CCDC149: variants seen among roughly 807,000 people sequenced by gnomAD.
The protein encoded by CCDC149 is coiled-coil domain-containing protein 149.
A neutral mutation model predicts 59.9 loss-of-function variants in CCDC149; 45 were observed. That is an observed-to-expected ratio of 0.75 (90% CI 0.59 to 0.96). The LOEUF (loss-of-function observed/expected upper bound fraction) is 0.96. Ranked by LOEUF, CCDC149 falls within the 40% of genes least tolerant of loss-of-function variation. CCDC149 has a pLI of 0.00. For synonymous variants in CCDC149, 245 were observed against 260.6 expected (o/e 0.94, Z 0.58); for missense variants, 584 against 664.7 (o/e 0.88, Z 1.33).
At position 24,836,514 on chromosome 4, in the gene CCDC149, A is replaced by G. The variant is rs748153576; in HGVS notation, c.663-6T>C. Reference sequence around the variant, plus strand: ...TTAATCTCTCTTGAAGGTACCTGAAAAAGAATACATAAAACTAGGAGGTGT... The same window carrying G: ...TTAATCTCTCTTGAAGGTACCTGAAGAAGAATACATAAAACTAGGAGGTGT... On this transcript the variant is annotated splice_polypyrimidine_tract_variant and splice_region_variant and intron_variant, in intron 6 of 12. Transcript: ENST00000635206. 3.1e-6 allele frequency: 5 copies of G among 1,595,736 alleles called. No homozygotes were observed. Among genetic ancestry groups the G allele is most frequent in the Non-Finnish European group, 4.3e-6 (5 of 1,164,204 alleles).
intron 1 of CCDC149, among the ~76,000 whole-genome samples, chr4:24,944,298 G>T (rs936982810): frequency 4.0e-5 from 6 of 151,036 alleles, no homozygotes; most frequent in African/African-American, 9.8e-5. Context: ...CTATCGCAAG[G>T]ACTAAAAACC....
chr4:24,965,976 T>G (rs1036246901), intron 1 of CCDC149, among the ~76,000 whole-genome samples: 2 of 152,228 alleles, frequency 1.3e-5, no homozygotes, highest in Non-Finnish European at 2.9e-5. Context: ...CTGCTAATAC[T>G]GTACATATGG....
chr4:24,932,256 C>T (rs376823711), intron 1 of CCDC149, among the ~76,000 whole-genome samples: 1 of 152,090 alleles, frequency 6.6e-6, no homozygotes, highest in South Asian at 2.1e-4. Flanking sequence ...CAATTAGTAC[C>T]TTTTCTAATG....
rs1372540669 is a variant in CCDC149, at chr4:24,930,326, G to T, written c.-64-35208C>A. On this transcript the variant is annotated intron_variant, in intron 1 of 12. Transcript: ENST00000389609. Reference sequence around the variant, plus strand: ...GCATCCCTGAGTCATCACATGGAGGGAAGCCACCTACCATTCAGAAGCACC... The same window carrying T: ...GCATCCCTGAGTCATCACATGGAGGTAAGCCACCTACCATTCAGAAGCACC... 2.0e-5 allele frequency among the ~76,000 whole-genome samples: 3 copies of T among 152,218 alleles called. No homozygotes were observed. In the East Asian group the frequency reaches 5.8e-4, roughly 29 times the overall value.
At chr4:24,848,906 A>G (rs1717485749) in intron 4 of CCDC149, among the ~76,000 whole-genome samples, 2 of 152,214 alleles carry the variant, frequency 1.3e-5, no homozygotes, top group African/African-American at 2.4e-5. Context: ...AGACATGAAG[A>G]GAAATGGGCT....
intron 1 of CCDC149, among the ~76,000 whole-genome samples, chr4:24,941,884 T>G (rs1577497026): frequency 1.3e-5 from 2 of 152,130 alleles, no homozygotes; most frequent in Non-Finnish European, 2.9e-5. Context: ...TAACAGGCTC[T>G]GAAATTGAGG....
chr4:24,876,642 G>A lies in CCDC149; in HGVS notation c.119C>T (p.Ser40Phe). 1 of 1,614,090 alleles carries A rather than the reference G, an allele frequency of 6.2e-7. No homozygotes were observed. Among genetic ancestry groups the A allele is most frequent in the Non-Finnish European group, 8.5e-7 (1 of 1,180,020 alleles). ...CTGTTGACAGGTGTCCAGCTCCTTG[G>A]AGAGGATCAGCAGGGCTTCCTTCTT... The change falls in exon 2 of 13, where the codon TCC (serine) becomes TTC (phenylalanine). Residue 40 changes from serine to phenylalanine, a missense_variant. Physicochemically the swap from Ser to Phe is radical, Grantham distance 155. Transcript: ENST00000635206.
intron 1 of CCDC149, among the ~76,000 whole-genome samples, chr4:24,941,546 C>A (rs12642801): frequency 0.1 from 15,223 of 152,072 alleles, 1,394 homozygotes; most frequent in East Asian, 0.29. Context: ...TAACTAAGAT[C>A]AGAGCAGAAC....
chr4:24,822,726 G>C, intron 9 of CCDC149, 153 bp from the exon 10 acceptor site: 2 of 492,988 alleles, frequency 4.1e-6, no homozygotes, highest in Non-Finnish European at 7.3e-6. Context: ...TAAATAATAT[G>C]TGCTCTATTG....
At position 24,884,568 on chromosome 4, in the gene CCDC149, C is replaced by T. The variant is rs148434393; in HGVS notation, c.64-7871G>A. Among the ~76,000 whole-genome samples the T allele has an allele frequency of 3.8e-3, 584 of 152,204 alleles. 7 individuals are homozygous for T. The highest frequency in any genetic ancestry group is 0.013 in the African/African-American group (546 of 41,540). On this transcript the variant is annotated intron_variant, in intron 1 of 12. Coordinates refer to ENST00000635206, the MANE Select transcript of CCDC149 (RefSeq NM_001330643.2). ...TACACTAAACACTTTAAAAGAGACA[C>T]AAAACTCCCAGAAAAGAAAGAAAAG...
intron 1 of CCDC149, among the ~76,000 whole-genome samples, chr4:24,885,187 G>C (rs1364558828): frequency 6.6e-6 from 1 of 152,194 alleles, no homozygotes; most frequent in African/African-American, 2.4e-5. Context: ...GAGGAGTTCA[G>C]ATTGTATTCT....
intron 3 of CCDC149, among the ~76,000 whole-genome samples, chr4:24,869,932 T>G (rs1718935075): frequency 6.6e-6 from 1 of 152,184 alleles, no homozygotes; most frequent in Non-Finnish European, 1.5e-5. Context: ...GTGCGTGCTA[T>G]TAGACCAGGA....
chr4:24,861,126 G>T (rs1482823950), intron 3 of CCDC149, among the ~76,000 whole-genome samples: 1 of 152,072 alleles, frequency 6.6e-6, no homozygotes, highest in Non-Finnish European at 1.5e-5. Flanking sequence ...CTACTCAAAG[G>T]AAAAGAAGTC....
At chr4:24,921,217 A>G (rs1289218105) in intron 1 of CCDC149, among the ~76,000 whole-genome samples, 3 of 152,214 alleles carry the variant, frequency 2.0e-5, no homozygotes, top group African/African-American at 7.2e-5. Flanking sequence ...TAAGCAGGTG[A>G]CATGTCCCTG....
At chr4:24,849,273 G>T (rs1717507653) in intron 4 of CCDC149, among the ~76,000 whole-genome samples, 1 of 152,124 alleles carries the variant, frequency 6.6e-6, no homozygotes, top group Admixed American at 6.5e-5. Context: ...CTTTTCGAGG[G>T]TAATGCGTGG....
intron 1 of CCDC149, among the ~76,000 whole-genome samples, chr4:24,883,661 T>C (rs981309186): frequency 2.0e-5 from 3 of 152,180 alleles, no homozygotes; most frequent in South Asian, 2.1e-4. Flanking sequence ...ATTGAGGTTA[T>C]TGTGAGCCTG....
At chr4:24,872,335 G>C (rs1321512429) in intron 3 of CCDC149, among the ~76,000 whole-genome samples, 5 of 152,178 alleles carry the variant, frequency 3.3e-5, no homozygotes, top group Admixed American at 2.6e-4. Flanking sequence ...TGAAGTGGCA[G>C]AACCTAAACA....
At chr4:24,808,908 A>G (rs1170152767) in intron 12 of CCDC149, 89 bp from the exon 13 acceptor site, 2 of 1,228,774 alleles carry the variant, frequency 1.6e-6, no homozygotes, top group Non-Finnish European at 2.2e-6. Flanking sequence ...CCAGCCTACC[A>G]GCACAGGGCC....
chr4:24,914,385 G>GAAAAAAAAAA (rs201825269), upstream of CCDC149, among the ~76,000 whole-genome samples: 1 of 120,184 alleles, frequency 8.3e-6, no homozygotes, highest in East Asian at 2.5e-4. Flanking sequence ...TGTGTTACCA[G>GAAAAAAAAAA]AAAAAAAAAA....
Sources: gnomAD v4.1 joint callset for allele counts (sites outside exome capture counted in the v4.1 genomes callset) on GRCh38, gnomAD v4.1.1 for gene constraint, MANE v1.5 for transcripts, NCBI Gene and HGNC (gene_info 2026-07-23, HGNC 2026-07-21) for gene names.